The following GFRAL variants were observed in gnomAD, a reference collection of about 807,000 sequenced individuals.
GFRAL encodes GDNF family receptor alpha like.
Under a neutral mutation model 45.4 loss-of-function variants are expected in GFRAL, and 36 were observed. The observed-to-expected ratio is 0.79, with a 90% CI of 0.61 to 1.05. GFRAL has a LOEUF of 1.05. GFRAL is among the 50% of genes least tolerant of loss of function. The pLI, the probability that GFRAL is intolerant of heterozygous loss-of-function variation, is 0.00. For missense variants in GFRAL, 507 were observed against 467.5 expected (o/e 1.08, Z -0.78); for synonymous variants, 166 against 154.1 (o/e 1.08, Z -0.57).
At chr6:55,329,148 C>A (rs1767799901) in intron 1 of GFRAL, among the ~76,000 whole-genome samples, 1 of 151,972 alleles carries the variant, frequency 6.6e-6, no homozygotes, top group Admixed American at 6.6e-5. Context: ...ATGAATAAGA[C>A]AGATTTTGGA....
At chr6:55,363,472 A>G (rs1038812084) in intron 6 of GFRAL, among the ~76,000 whole-genome samples, 1 of 150,662 alleles carries the variant, frequency 6.6e-6, no homozygotes, top group Non-Finnish European at 1.5e-5. Flanking sequence ...GTTTTAGGGT[A>G]CATGTGCACA....
rs141334508 is a variant in GFRAL at position 55,330,990 on chromosome 6, T to A, written c.23-725T>A. On this transcript the variant is annotated intron_variant, in intron 1 of 8. Transcript: ENST00000340465. ...AATTGTGGCATTGTGAATGAAGTAG[T>A]GGTCCACAGTGGAACAATGATGATG... Among the ~76,000 whole-genome samples, 9 of 152,268 alleles carry A rather than the reference T, an allele frequency of 5.9e-5. No homozygotes were observed. The East Asian group carries it at 1.5e-3, about 26-fold the overall frequency.
chr6:55,340,215 C>A (rs888329724), intron 3 of GFRAL, among the ~76,000 whole-genome samples: 2 of 152,136 alleles, frequency 1.3e-5, no homozygotes, highest in Admixed American at 6.5e-5. Context: ...ACTGCAGCAT[C>A]CTCCACAGAC....
chr6:55,334,832 A>G (rs936702641), intron 3 of GFRAL, among the ~76,000 whole-genome samples: 2 of 152,234 alleles, frequency 1.3e-5, no homozygotes, highest in African/African-American at 4.8e-5. Flanking sequence ...TTAACATAAT[A>G]CATTAGAGAT....
chr6:55,346,310 G>A (rs1768041119), intron 3 of GFRAL, among the ~76,000 whole-genome samples: 1 of 152,160 alleles, frequency 6.6e-6, no homozygotes, highest in East Asian at 1.9e-4. Flanking sequence ...ATCAATGATA[G>A]ACTTGATTAA....
At chr6:55,390,653 A>G (rs111254052) in intron 6 of GFRAL, among the ~76,000 whole-genome samples, 3,445 of 151,944 alleles carry the variant, frequency 0.023, 146 homozygotes, top group African/African-American at 0.078. Context: ...ACTTTGGGAG[A>G]CCAAGGCGGG....
intron 3 of GFRAL, among the ~76,000 whole-genome samples, chr6:55,337,177 G>A (rs1338287533): frequency 6.6e-6 from 1 of 151,934 alleles, no homozygotes; most frequent in South Asian, 2.1e-4. Flanking sequence ...GTCCTGCCAA[G>A]CTTGATCACA....
At chr6:55,354,150 C>T (rs1768155937) in intron 5 of GFRAL, among the ~76,000 whole-genome samples, 2 of 151,976 alleles carry the variant, frequency 1.3e-5, no homozygotes, top group African/African-American at 4.8e-5. Flanking sequence ...TTCTGAGCAT[C>T]CACATCAAAG....
intron 6 of GFRAL, among the ~76,000 whole-genome samples, chr6:55,363,201 G>C (rs1221528258): frequency 3.3e-5 from 5 of 151,878 alleles, no homozygotes; most frequent in Admixed American, 3.3e-4. Context: ...ATTCTCAAGA[G>C]AGAGCCAATG....
chr6:55,381,196 A>C (rs971686104), intron 6 of GFRAL, among the ~76,000 whole-genome samples: 3 of 151,928 alleles, frequency 2.0e-5, no homozygotes, highest in African/African-American at 7.2e-5. Flanking sequence ...TGTGAATGAC[A>C]GAAGATTGTT....
At chr6:55,399,579 T>C (rs567894409) in intron 8 of GFRAL, 138 bp downstream of exon 8, 35 of 629,636 alleles carry the variant, frequency 5.6e-5, no homozygotes, top group African/African-American at 4.2e-4. Context: ...TCAAGTTTTA[T>C]GTGGCATAGG....
At position 55,349,906 on chromosome 6, in the gene GFRAL, G is replaced by A. The variant is rs1460251014; in HGVS notation, c.317-186G>A. Among the ~76,000 whole-genome samples the A allele has an allele frequency of 2.0e-5, 3 of 151,946 alleles. No individual in the cohort carries two copies. In the East Asian group the frequency reaches 5.8e-4, roughly 29 times the overall value. On this transcript the variant is annotated intron_variant, in intron 3 of 8. Coordinates refer to ENST00000340465, the MANE Select transcript of GFRAL (RefSeq NM_207410.2). ...AGCTCACTTGAATGATATTTCAGAGGCTTGTTTTCTTCATCTATACCACAT... is the reference window on the plus strand; with the variant it reads ...AGCTCACTTGAATGATATTTCAGAGACTTGTTTTCTTCATCTATACCACAT...
intron 6 of GFRAL, among the ~76,000 whole-genome samples, chr6:55,395,175 A>AAAAAAATATATATATAT: frequency 1.6e-5 from 2 of 123,510 alleles, no homozygotes; most frequent in African/African-American, 6.9e-5. Flanking sequence ...AAAAAAAAAA[A>AAAAAAATATATATATAT]ATATATATAT....
intron 5 of GFRAL, among the ~76,000 whole-genome samples, chr6:55,357,554 C>A (rs925436687): frequency 6.6e-6 from 1 of 151,240 alleles, no homozygotes; most frequent in Non-Finnish European, 1.5e-5. Flanking sequence ...CTATGTGTTT[C>A]TTTATAGATG....
chr6:55,374,437 G>A (rs1286061658), intron 6 of GFRAL, among the ~76,000 whole-genome samples: 1 of 152,050 alleles, frequency 6.6e-6, no homozygotes, highest in African/African-American at 2.4e-5. Flanking sequence ...CTTTTGAGAA[G>A]TGTCACTCCT....
chr6:55,363,424 T>C (rs1449869162), intron 6 of GFRAL, among the ~76,000 whole-genome samples: 4 of 123,226 alleles, frequency 3.2e-5, no homozygotes, highest in Non-Finnish European at 4.9e-5. Flanking sequence ...ACATACATGG[T>C]AGCTTAATTC....
Position 55,367,610 on chromosome 6 carries a change from T to G in GFRAL, c.952+8472T>G, listed in dbSNP as rs562399639. ...GTTCCTTTCCATGTTTAGTGCTTCC[T>G]TCAGGAACTCTTGTAAGGCAGGCCT... On this transcript the variant is annotated intron_variant, in intron 6 of 8. Transcript: ENST00000340465. 8.4e-4 allele frequency among the ~76,000 whole-genome samples: 128 copies of G among 151,804 alleles called. 3 individuals are homozygous for G. The South Asian group carries it at 0.025, about 30-fold the overall frequency.
intron 3 of GFRAL, among the ~76,000 whole-genome samples, chr6:55,340,958 C>T (rs962420118): frequency 6.6e-6 from 1 of 152,196 alleles, no homozygotes; most frequent in African/African-American, 2.4e-5. Flanking sequence ...AACTGCAAGG[C>T]AGCAGCGAGG....
At chr6:55,363,193 T>G (rs1262374215) in intron 6 of GFRAL, among the ~76,000 whole-genome samples, 14 of 152,014 alleles carry the variant, frequency 9.2e-5, no homozygotes, top group African/African-American at 2.9e-4. Flanking sequence ...ATAATCCCAT[T>G]CTCAAGAGAG....
Sources: allele counts gnomAD v4.1 joint callset (sites outside exome capture counted in the v4.1 genomes callset), GRCh38; gene constraint gnomAD v4.1.1; transcripts MANE v1.5; gene names NCBI Gene and HGNC (gene_info 2026-07-23, HGNC 2026-07-21).